The following SHISA9 variants were observed in gnomAD, a reference collection of about 807,000 sequenced individuals.
SHISA9 encodes the protein shisa family member 9.
SHISA9 carries 13 observed loss-of-function variants against 38.0 expected under a neutral mutation model. The ratio of observed to expected loss-of-function variants is 0.34; its 90% CI spans 0.22 to 0.54. The LOEUF (loss-of-function observed/expected upper bound fraction) is 0.54. Among genes scored for constraint, SHISA9 ranks in the 20% least tolerant of loss-of-function variants. The probability of loss-of-function intolerance (pLI) is 0.91; values close to 1 mark genes in which losing one functional copy is unlikely to be tolerated. For synonymous variants in SHISA9, 275 were observed against 242.0 expected (o/e 1.14, Z -1.27); for missense variants, 538 against 575.8 (o/e 0.93, Z 0.67).
chr16:13,388,012 C>T, the SHISA9 span, among the ~76,000 whole-genome samples: 1 of 152,236 alleles, frequency 6.6e-6, no homozygotes, highest in African/African-American at 2.4e-5. Flanking sequence ...GCCGTGAAGC[C>T]TCTTCTACAA....
intron 2 of SHISA9, among the ~76,000 whole-genome samples, chr16:13,088,187 G>C (rs1353802440): frequency 1.3e-5 from 2 of 152,170 alleles, no homozygotes; most frequent in African/African-American, 4.8e-5. Context: ...CTATATATCT[G>C]TTTTGTTACC....
At chr16:13,433,413 G>A in the SHISA9 span, among the ~76,000 whole-genome samples, 6 of 152,252 alleles carry the variant, frequency 3.9e-5, no homozygotes, top group Admixed American at 6.5e-5. Context: ...AATGTAGTTA[G>A]TGCTGTGTGT....
chr16:13,179,688 A>G (rs1019547384), intron 2 of SHISA9, among the ~76,000 whole-genome samples: 3 of 152,182 alleles, frequency 2.0e-5, no homozygotes, highest in Admixed American at 6.5e-5. Context: ...GTTCTCTCCA[A>G]TTTGTTCTAT....
At chr16:13,203,366 C>T (rs2051024795) in intron 2 of SHISA9, 28 bp from the exon 3 acceptor site, 3 of 1,498,716 alleles carry the variant, frequency 2.0e-6, no homozygotes, top group African/African-American at 1.4e-5. Flanking sequence ...CTGTCTGTGA[C>T]AATCTCCTTC....
the SHISA9 span, among the ~76,000 whole-genome samples, chr16:13,521,550 G>A: frequency 6.6e-6 from 1 of 152,208 alleles, no homozygotes; most frequent in South Asian, 2.1e-4. Context: ...CACCTGGGGA[G>A]GCTTAAGAAA....
chr16:12,967,224 C>T (rs75091675), intron 2 of SHISA9, among the ~76,000 whole-genome samples: 6 of 152,162 alleles, frequency 3.9e-5, no homozygotes, highest in African/African-American at 1.4e-4. Context: ...GAATACTATG[C>T]AGCCATAAAA....
intron 2 of SHISA9, among the ~76,000 whole-genome samples, chr16:13,086,304 G>A (rs2073709590): frequency 7.3e-6 from 1 of 136,338 alleles, no homozygotes. Flanking sequence ...GCAGTGAGCC[G>A]AGATCATGCC....
At chr16:13,263,457 T>C in the SHISA9 span, among the ~76,000 whole-genome samples, 1 of 152,086 alleles carries the variant, frequency 6.6e-6, no homozygotes, top group Non-Finnish European at 1.5e-5. Flanking sequence ...GAAAAGTATA[T>C]AGCACCTCTC....
At chr16:13,448,336 A>G in the SHISA9 span, among the ~76,000 whole-genome samples, 3 of 152,234 alleles carry the variant, frequency 2.0e-5, no homozygotes, top group African/African-American at 7.2e-5. Flanking sequence ...TTCAAAGGCC[A>G]TTATCGAGTC....
chr16:13,181,265 TTTTATATATATATATATATATA>T (rs1443894050), intron 2 of SHISA9, among the ~76,000 whole-genome samples: 1 of 91,616 alleles, frequency 1.1e-5, no homozygotes, highest in African/African-American at 4.2e-5. Flanking sequence ...TAAAATAAAA[TTTTATATATATATATATATATA>T]TATATATATA....
chr16:13,054,784 T>G (rs1263982274), intron 2 of SHISA9, among the ~76,000 whole-genome samples: 1 of 152,068 alleles, frequency 6.6e-6, no homozygotes, highest in Non-Finnish European at 1.5e-5. Flanking sequence ...CTCTCATGAG[T>G]GATGTTCAAC....
chr16:13,280,906 G>T, the SHISA9 span, among the ~76,000 whole-genome samples: 1 of 151,824 alleles, frequency 6.6e-6, no homozygotes, highest in Non-Finnish European at 1.5e-5. Flanking sequence ...AGGAAAGAAT[G>T]CAACAAGCAG....
the SHISA9 span, among the ~76,000 whole-genome samples, chr16:13,328,693 G>A: frequency 1.1e-4 from 16 of 151,646 alleles, no homozygotes; most frequent in Non-Finnish European, 1.9e-4. Context: ...GGCTGGTCTT[G>A]TACCCCTGAC....
At chr16:13,184,126 T>C (rs774298248) in intron 2 of SHISA9, among the ~76,000 whole-genome samples, 3 of 152,058 alleles carry the variant, frequency 2.0e-5, no homozygotes, top group South Asian at 2.1e-4. Context: ...CTCTCAGTCA[T>C]AGTAGCTGCC....
intron 2 of SHISA9, among the ~76,000 whole-genome samples, chr16:13,083,173 A>G (rs898119225): frequency 6.6e-6 from 1 of 151,968 alleles, no homozygotes; most frequent in African/African-American, 2.4e-5. Context: ...AGCAGACACT[A>G]TTTCTCCTTC....
intron 2 of SHISA9, among the ~76,000 whole-genome samples, chr16:13,188,747 G>A (rs1326866389): frequency 6.8e-6 from 1 of 147,990 alleles, no homozygotes; most frequent in Non-Finnish European, 1.5e-5. Context: ...AAGGTATGAG[G>A]AAAACAAGAA....
chr16:13,511,328 A>C, the SHISA9 span, among the ~76,000 whole-genome samples: 1 of 152,244 alleles, frequency 6.6e-6, no homozygotes. Flanking sequence ...GAGTGAATAG[A>C]GACCTCAGCT....
intron 2 of SHISA9, among the ~76,000 whole-genome samples, chr16:13,019,764 T>TTTTCTTTCTTTCTTTCTTTCTTTCTTTC (rs548980425): frequency 1.3e-5 from 1 of 77,896 alleles, no homozygotes; most frequent in Non-Finnish European, 2.5e-5. Context: ...CTTTTCTTTC[T>TTTTCTTTCTTTCTTTCTTTCTTTCTTTC]TTTCTTTCTT....
intron 2 of SHISA9, among the ~76,000 whole-genome samples, chr16:12,996,352 C>T (rs1445856000): frequency 6.6e-6 from 1 of 152,194 alleles, no homozygotes; most frequent in African/African-American, 2.4e-5. Context: ...TAGCAACCAT[C>T]AGCTGGAGGT....
Sources: allele counts gnomAD v4.1 joint callset (sites outside exome capture counted in the v4.1 genomes callset), GRCh38; gene constraint gnomAD v4.1.1; transcripts MANE v1.5; gene names NCBI Gene and HGNC (gene_info 2026-07-23, HGNC 2026-07-21).